CCDC146: variants seen among roughly 807,000 people sequenced by gnomAD.
CCDC146 encodes coiled-coil domain containing 146, also known as coiled-coil domain-containing protein 146.
A neutral mutation model predicts 119.3 loss-of-function variants in CCDC146; 92 were observed. The ratio of observed to expected loss-of-function variants is 0.77; its 90% CI spans 0.65 to 0.92. The LOEUF (loss-of-function observed/expected upper bound fraction) is 0.92. CCDC146 is among the 40% of genes least tolerant of loss of function. The pLI is 0.00. For missense variants in CCDC146, 1,000 were observed against 1,103.0 expected, an observed-to-expected ratio of 0.91 and a Z score of 1.32; for synonymous variants, 372 against 371.8, an observed-to-expected ratio of 1.00 and a Z score of -0.01.
chr7:77,213,690 T>C (rs1364197310), intron 2 of CCDC146, among the ~76,000 whole-genome samples: 2 of 152,182 alleles, frequency 1.3e-5, no homozygotes, highest in South Asian at 2.1e-4. Flanking sequence ...GTACCTATTG[T>C]TTAGCTCCCA....
In CCDC146 at chr7:77,229,499, G is replaced by A. The variant is rs1792578709; in HGVS notation, c.157-7448G>A. Among the ~76,000 whole-genome samples, 2 of 152,106 alleles carry A rather than the reference G, an allele frequency of 1.3e-5. 1 individual carries two copies. Among genetic ancestry groups the A allele is most frequent in the Non-Finnish European group, 2.9e-5 (2 of 68,028 alleles). On this transcript the variant is annotated intron_variant, in intron 2 of 18. Transcript: ENST00000285871. ...CATCTTGAGTTAATTTTTATGTACGGTGTAAGGAAAGGGTCCAGTTTCAAT... is the reference window on the plus strand; with the variant it reads ...CATCTTGAGTTAATTTTTATGTACGATGTAAGGAAAGGGTCCAGTTTCAAT...
intron 6 of CCDC146, 109 bp downstream of exon 6, chr7:77,256,618 A>G (rs1339490384): frequency 6.0e-6 from 5 of 829,228 alleles, no homozygotes; most frequent in Non-Finnish European, 9.8e-6. Flanking sequence ...TTGTCTCACA[A>G]ACTGAAATAT....
intron 11 of CCDC146, 72 bp downstream of exon 11, chr7:77,274,724 C>A: frequency 1.7e-6 from 2 of 1,172,788 alleles, no homozygotes; most frequent in South Asian, 1.5e-5. Flanking sequence ...ATGCCACGTG[C>A]ATTAGGACAT....
chr7:77,142,749 CT>C (rs1418150759), intron 1 of CCDC146, among the ~76,000 whole-genome samples: 9 of 151,634 alleles, frequency 5.9e-5, no homozygotes, highest in Non-Finnish European at 1.0e-4. Context: ...TGAACTCATC[CT>C]TTTTTATGGC....
intron 1 of CCDC146, among the ~76,000 whole-genome samples, chr7:77,131,313 CCAAAGGTCTCT>C (rs1347109180): frequency 1.3e-5 from 2 of 151,978 alleles, no homozygotes; most frequent in African/African-American, 4.8e-5. Context: ...TTGAAACAAC[CCAAAGGTCTCT>C]CAAATGTGAG....
chr7:77,279,195 CAGAGGCTGCAATGAGCCA>C (rs1275212340), intron 13 of CCDC146, 94 bp downstream of exon 13: 1 of 1,354,226 alleles, frequency 7.4e-7, no homozygotes, highest in African/African-American at 1.5e-5. Context: ...AGGAAAGAGG[CAGAGGCTGCAATGAGCCA>C]AGATGGTGCC....
At chr7:77,283,298 C>CT (rs772112014) in intron 15 of CCDC146, among the ~76,000 whole-genome samples, 9 of 151,962 alleles carry the variant, frequency 5.9e-5, no homozygotes, top group Non-Finnish European at 1.0e-4. Flanking sequence ...TTGACATGGC[C>CT]TTTTTTAAAG....
In CCDC146 at chr7:77,203,031, G is replaced by GC. The variant is rs35529684; in HGVS notation, c.157-33902dup. Among the ~76,000 whole-genome samples, 215 of 107,240 alleles carry GC rather than the reference G, an allele frequency of 2.0e-3. 1 individual carries two copies. The highest frequency in any genetic ancestry group is 2.7e-3 in the Non-Finnish European group (136 of 49,704). The allele number at this position is 107,240 out of a possible 152,430, so 70.4% of individuals were successfully genotyped here. A position where few individuals can be genotyped will look rare whatever the true frequency, so the allele number is the denominator to read the frequency against. ...TTTGAGCAAGGAAAATAAAATACTT[G>GC]CCCCCCCCCCCCCCAGGACTATTTT... On this transcript the variant is annotated intron_variant, in intron 2 of 18. Coordinates refer to ENST00000285871, the MANE Select transcript of CCDC146 (RefSeq NM_020879.3).
chr7:77,123,403 G>GGTGTGTGTGTGTGT (rs557580080), intron 1 of CCDC146, among the ~76,000 whole-genome samples: 4 of 125,252 alleles, frequency 3.2e-5, no homozygotes, highest in East Asian at 2.3e-4. Flanking sequence ...GACCCTATAA[G>GGTGTGTGTGTGTGT]GTGTGTGTGT....
At chr7:77,251,170 C>T (rs554271627) in intron 4 of CCDC146, among the ~76,000 whole-genome samples, 96 of 151,922 alleles carry the variant, frequency 6.3e-4, no homozygotes, top group African/African-American at 2.2e-3. Context: ...TACAAGTGGC[C>T]GCCAATACGC....
chr7:77,171,995 GC>G (rs1248043668), intron 2 of CCDC146, among the ~76,000 whole-genome samples: 4 of 152,080 alleles, frequency 2.6e-5, no homozygotes, highest in Non-Finnish European at 5.9e-5. Flanking sequence ...GGTATAACAG[GC>G]CTCTGATAAT....
intron 2 of CCDC146, among the ~76,000 whole-genome samples, chr7:77,191,819 A>G (rs1791770951): frequency 6.6e-6 from 1 of 152,126 alleles, no homozygotes. Flanking sequence ...CTGAGGCAGG[A>G]GAATGGTGTG....
chr7:77,272,465 C>A (rs941145660), intron 9 of CCDC146, among the ~76,000 whole-genome samples: 1 of 152,178 alleles, frequency 6.6e-6, no homozygotes, highest in Non-Finnish European at 1.5e-5. Context: ...TGTTAAGTAA[C>A]CTTCAAATCA....
chr7:77,252,386 A>T (rs1793092856), intron 4 of CCDC146, among the ~76,000 whole-genome samples: 1 of 152,224 alleles, frequency 6.6e-6, no homozygotes, highest in Non-Finnish European at 1.5e-5. Context: ...GCATCACAGT[A>T]AAACTTGAAA....
chr7:77,175,880 G>T (rs1456281624), intron 2 of CCDC146, among the ~76,000 whole-genome samples: 3 of 151,080 alleles, frequency 2.0e-5, no homozygotes, highest in Non-Finnish European at 2.9e-5. Context: ...GCATAAAAAG[G>T]TTCCTATTCT....
intron 1 of CCDC146, among the ~76,000 whole-genome samples, chr7:77,142,648 A>C (rs1044517863): frequency 6.6e-5 from 10 of 151,300 alleles, no homozygotes; most frequent in African/African-American, 2.4e-4. Context: ...CCCACCTATG[A>C]GTGAGAACAT....
intron 1 of CCDC146, among the ~76,000 whole-genome samples, chr7:77,160,872 T>G (rs1237512311): frequency 2.0e-5 from 3 of 152,120 alleles, no homozygotes; most frequent in Admixed American, 6.5e-5. Flanking sequence ...GGAGAAAATT[T>G]TTGCAACCTA....
intron 2 of CCDC146, among the ~76,000 whole-genome samples, chr7:77,203,031 GCCCCC>G (rs35529684): frequency 1.9e-4 from 20 of 107,292 alleles, no homozygotes; most frequent in African/African-American, 5.6e-4. Context: ...TAAAATACTT[GCCCCC>G]CCCCCCCCCA....
intron 2 of CCDC146, among the ~76,000 whole-genome samples, chr7:77,183,742 G>A (rs1484551664): frequency 6.6e-6 from 1 of 152,190 alleles, no homozygotes; most frequent in Non-Finnish European, 1.5e-5. Context: ...CTTACCTCAT[G>A]TCACTTATTT....
Sources: allele counts gnomAD v4.1 joint callset (sites outside exome capture counted in the v4.1 genomes callset), GRCh38; gene constraint gnomAD v4.1.1; transcripts MANE v1.5; gene names NCBI Gene and HGNC (gene_info 2026-07-23, HGNC 2026-07-21).